The following CLSTN2 variants were observed in gnomAD, a reference collection of about 807,000 sequenced individuals.
The protein encoded by CLSTN2 is calsyntenin-2.
CLSTN2 carries 48 observed loss-of-function variants against 101.2 expected under a neutral mutation model. The observed-to-expected ratio is 0.47, with a 90% CI of 0.38 to 0.60. The LOEUF is 0.60. Ranked by LOEUF, CLSTN2 falls within the 20% of genes least tolerant of loss-of-function variation. CLSTN2 has a pLI of 0.00. For missense variants in CLSTN2, 1,160 were observed against 1,238.2 expected, an observed-to-expected ratio of 0.94 and a Z score of 0.95; for synonymous variants, 481 against 463.6, an observed-to-expected ratio of 1.04 and a Z score of -0.48.
At chr3:139,987,145 C>T (rs1422881926) in intron 1 of CLSTN2, among the ~76,000 whole-genome samples, 1 of 152,144 alleles carries the variant, frequency 6.6e-6, no homozygotes, top group East Asian at 1.9e-4. Flanking sequence ...TTAATGCAAA[C>T]TGAAAGTATA....
intron 1 of CLSTN2, among the ~76,000 whole-genome samples, chr3:139,994,457 T>C (rs982502653): frequency 6.6e-6 from 1 of 152,224 alleles, no homozygotes; most frequent in Admixed American, 6.5e-5. Context: ...TCTGAATTTC[T>C]GATTTTGTGC....
intron 1 of CLSTN2, among the ~76,000 whole-genome samples, chr3:140,021,752 C>T (rs907749098): frequency 6.6e-6 from 1 of 152,194 alleles, no homozygotes; most frequent in Non-Finnish European, 1.5e-5. Context: ...AGATCAATTT[C>T]TTTGGGGTTT....
intron 1 of CLSTN2, among the ~76,000 whole-genome samples, chr3:140,172,168 C>T (rs184580533): frequency 7.2e-6 from 1 of 139,778 alleles, no homozygotes; most frequent in Non-Finnish European, 1.5e-5. Flanking sequence ...CCCCCTCTAA[C>T]CTGTTATTTT....
intron 2 of CLSTN2, among the ~76,000 whole-genome samples, chr3:140,268,082 T>C (rs888188157): frequency 6.6e-6 from 1 of 152,146 alleles, no homozygotes; most frequent in Non-Finnish European, 1.5e-5. Flanking sequence ...AGCTCTGAGC[T>C]TGGAGGCGAA....
At chr3:139,955,182 A>G (rs2107812055) in intron 1 of CLSTN2, among the ~76,000 whole-genome samples, 1 of 142,568 alleles carries the variant, frequency 7.0e-6, no homozygotes, top group South Asian at 2.3e-4. Context: ...TTTATTTGAA[A>G]AGTTCTCTTA....
At chr3:140,074,359 T>A (rs2107778062) in intron 1 of CLSTN2, among the ~76,000 whole-genome samples, 1 of 152,134 alleles carries the variant, frequency 6.6e-6, no homozygotes, top group South Asian at 2.1e-4. Flanking sequence ...GGGTGTTGAC[T>A]GGAGATGCCC....
chr3:140,483,896 T>C (rs1211523670), intron 8 of CLSTN2, among the ~76,000 whole-genome samples: 2 of 152,220 alleles, frequency 1.3e-5, no homozygotes, highest in Non-Finnish European at 2.9e-5. Context: ...AGCACACTGA[T>C]GGGTCTTGAC....
At chr3:140,148,638 C>T (rs949161381) in intron 1 of CLSTN2, among the ~76,000 whole-genome samples, 1 of 152,216 alleles carries the variant, frequency 6.6e-6, no homozygotes. Context: ...ATTTAGGCTG[C>T]TGCATTCACT....
chr3:140,240,962 A>T (rs1203523706), intron 2 of CLSTN2, among the ~76,000 whole-genome samples: 2 of 152,120 alleles, frequency 1.3e-5, no homozygotes, highest in Non-Finnish European at 2.9e-5. Flanking sequence ...ATCGACCATC[A>T]TGAGGTTGTA....
chr3:140,194,854 G>C (rs750145688), intron 2 of CLSTN2, among the ~76,000 whole-genome samples: 15 of 152,278 alleles, frequency 9.9e-5, no homozygotes, highest in Admixed American at 3.3e-4. Flanking sequence ...GAGCAATGGT[G>C]AAAGTCCTAA....
intron 8 of CLSTN2, among the ~76,000 whole-genome samples, chr3:140,473,350 C>A (rs908996707): frequency 6.6e-6 from 1 of 152,190 alleles, no homozygotes; most frequent in Non-Finnish European, 1.5e-5. Flanking sequence ...AAGATGTCTA[C>A]CTCTGAACCC....
chr3:140,371,031 T>C (rs1298818621), intron 2 of CLSTN2, among the ~76,000 whole-genome samples: 1 of 152,202 alleles, frequency 6.6e-6, no homozygotes. Flanking sequence ...TTTAAACACC[T>C]GCTAAGTGAA....
chr3:140,410,878 T>C (rs2088356482), intron 4 of CLSTN2, among the ~76,000 whole-genome samples: 1 of 152,152 alleles, frequency 6.6e-6, no homozygotes, highest in South Asian at 2.1e-4. Context: ...GGTACAACCA[T>C]AATATGTTTT....
chr3:140,334,717 A>G (rs1338465264), intron 2 of CLSTN2, among the ~76,000 whole-genome samples: 1 of 152,196 alleles, frequency 6.6e-6, no homozygotes, highest in Non-Finnish European at 1.5e-5. Context: ...TTCACAGAGG[A>G]GGGGGGCAAC....
At chr3:140,465,084 G>C (rs1576582933) in intron 7 of CLSTN2, among the ~76,000 whole-genome samples, 1 of 152,288 alleles carries the variant, frequency 6.6e-6, no homozygotes, top group East Asian at 1.9e-4. Flanking sequence ...TCAGCTGCAA[G>C]GAGTGGAAAG....
At chr3:140,368,978 CT>C (rs1443756378) in intron 2 of CLSTN2, among the ~76,000 whole-genome samples, 1 of 152,214 alleles carries the variant, frequency 6.6e-6, no homozygotes, top group African/African-American at 2.4e-5. Context: ...CCTTCCTGCA[CT>C]CTCCTGGTTA....
At chr3:140,269,137 C>T (rs1216091145) in intron 2 of CLSTN2, among the ~76,000 whole-genome samples, 4 of 152,268 alleles carry the variant, frequency 2.6e-5, no homozygotes, top group African/African-American at 9.6e-5. Flanking sequence ...TGAGAGACTC[C>T]TTGTTTTCAG....
intron 2 of CLSTN2, among the ~76,000 whole-genome samples, chr3:140,183,764 T>C (rs16850022): frequency 0.042 from 6,409 of 152,258 alleles, 442 homozygotes; most frequent in African/African-American, 0.14. Context: ...TGTTTATACA[T>C]ACCAGGCATT....
At chr3:140,164,438 C>T (rs2010100095) in intron 1 of CLSTN2, among the ~76,000 whole-genome samples, 1 of 152,152 alleles carries the variant, frequency 6.6e-6, no homozygotes, top group African/African-American at 2.4e-5. Flanking sequence ...AGCTCTAACT[C>T]AAGAGTCTCA....
Sources: gnomAD v4.1 joint callset for allele counts (sites outside exome capture counted in the v4.1 genomes callset) on GRCh38, gnomAD v4.1.1 for gene constraint, MANE v1.5 for transcripts, NCBI Gene and HGNC (gene_info 2026-07-23, HGNC 2026-07-21) for gene names.